The following CNTN5 variants were observed in gnomAD, a reference collection of about 807,000 sequenced individuals.
The protein encoded by CNTN5 is contactin 5, also known as contactin-5.
Under a neutral mutation model 129.1 loss-of-function variants are expected in CNTN5, and 77 were observed. The observed-to-expected ratio is 0.60, with a 90% CI of 0.50 to 0.72. CNTN5 has a LOEUF of 0.72. CNTN5 is among the 30% of genes least tolerant of loss of function. CNTN5 has a pLI of 0.00. For missense variants in CNTN5, 1,478 were observed against 1,328.8 expected, an observed-to-expected ratio of 1.11 and a Z score of -1.75; for synonymous variants, 509 against 465.6, an observed-to-expected ratio of 1.09 and a Z score of -1.20.
intron 2 of CNTN5, among the ~76,000 whole-genome samples, chr11:99,433,207 A>G (rs1943460492): frequency 6.6e-6 from 1 of 152,070 alleles, no homozygotes; most frequent in Admixed American, 6.6e-5. Context: ...ACAGCAGAGA[A>G]AGCAAGGTCC....
At chr11:99,836,411 C>A (rs561282567) in intron 4 of CNTN5, among the ~76,000 whole-genome samples, 6 of 151,170 alleles carry the variant, frequency 4.0e-5, no homozygotes, top group South Asian at 2.1e-4. Flanking sequence ...TTTGTCCTTG[C>A]GATAGTTTGC....
intron 1 of CNTN5, among the ~76,000 whole-genome samples, chr11:99,121,999 T>G (rs1261769930): frequency 6.6e-6 from 1 of 151,952 alleles, no homozygotes; most frequent in Non-Finnish European, 1.5e-5. Context: ...ATATTTTTAT[T>G]ATACTTTAAG....
At chr11:99,384,201 A>G (rs1940780595) in intron 2 of CNTN5, among the ~76,000 whole-genome samples, 1 of 152,168 alleles carries the variant, frequency 6.6e-6, no homozygotes, top group Non-Finnish European at 1.5e-5. Flanking sequence ...CCATTTCAAG[A>G]GAGACACTGT....
chr11:99,950,419 T>C (rs1950646224), intron 7 of CNTN5, among the ~76,000 whole-genome samples: 2 of 152,194 alleles, frequency 1.3e-5, no homozygotes, highest in Non-Finnish European at 2.9e-5. Flanking sequence ...AGGCGGAGCT[T>C]GCAATGAGCC....
chr11:99,979,558 T>C (rs1051185299), intron 8 of CNTN5, among the ~76,000 whole-genome samples: 1 of 152,148 alleles, frequency 6.6e-6, no homozygotes, highest in Admixed American at 6.5e-5. Flanking sequence ...GATACATGTA[T>C]ATGGAGGGGA....
chr11:100,296,888 C>T (rs1243495181), intron 18 of CNTN5, among the ~76,000 whole-genome samples: 1 of 151,510 alleles, frequency 6.6e-6, no homozygotes, highest in Non-Finnish European at 1.5e-5. Context: ...ATTGTTAATG[C>T]AGGCTCATAG....
rs61042118 is a variant in CNTN5, at chr11:100,072,990, CAA to C, written c.1430-1134_1430-1133del. 4.4e-3 allele frequency among the ~76,000 whole-genome samples: 351 copies of C among 79,062 alleles called. 10 individuals carry two copies. The highest frequency in any genetic ancestry group is 0.019 in the African/African-American group (311 of 16,516). The allele number at this position is 79,062 out of a possible 152,430, so 51.9% of individuals were successfully genotyped here. ...TTTTGTAAATTCTATTCCCAGGAGG[CAA>C]AAAAAAAAAAAAAAAAAAAGTTACT... is the stretch of plus-strand genomic sequence containing the variant. On this transcript the variant is annotated intron_variant, in intron 12 of 24. Coordinates refer to ENST00000524871, the MANE Select transcript of CNTN5 (RefSeq NM_014361.4).
intron 1 of CNTN5, among the ~76,000 whole-genome samples, chr11:99,028,876 C>T (rs1340956982): frequency 4.0e-5 from 6 of 151,460 alleles, no homozygotes; most frequent in South Asian, 2.1e-4. Flanking sequence ...CTTATATGGC[C>T]GTTTCCAAAT....
intron 3 of CNTN5, among the ~76,000 whole-genome samples, chr11:99,654,741 CAAATT>C (rs944196805): frequency 2.0e-5 from 3 of 151,974 alleles, no homozygotes; most frequent in Non-Finnish European, 4.4e-5. Flanking sequence ...TAGACTAAAA[CAAATT>C]AAATCAATTA....
intron 8 of CNTN5, among the ~76,000 whole-genome samples, chr11:99,969,654 C>T (rs1215362074): frequency 2.0e-5 from 3 of 152,148 alleles, no homozygotes; most frequent in Admixed American, 2.0e-4. Context: ...GCTCTGTAGT[C>T]CATGTACAAA....
At chr11:100,059,499 C>G (rs1030873316) in intron 9 of CNTN5, among the ~76,000 whole-genome samples, 5 of 151,560 alleles carry the variant, frequency 3.3e-5, no homozygotes. Context: ...GAAATTAACA[C>G]AAATAAGCGA....
chr11:99,681,991 AAC>A (rs886264658), intron 3 of CNTN5, among the ~76,000 whole-genome samples: 37 of 152,178 alleles, frequency 2.4e-4, no homozygotes, highest in African/African-American at 8.9e-4. Flanking sequence ...AATTTCAGGA[AAC>A]ACAAAAAAGG....
At chr11:99,565,768 C>T (rs548244976) in intron 3 of CNTN5, among the ~76,000 whole-genome samples, 2 of 152,122 alleles carry the variant, frequency 1.3e-5, no homozygotes, top group African/African-American at 4.8e-5. Flanking sequence ...CCCATGATTT[C>T]CCCCCATGCA....
At chr11:99,214,891 T>G (rs1860041492) in intron 1 of CNTN5, among the ~76,000 whole-genome samples, 1 of 152,128 alleles carries the variant, frequency 6.6e-6, no homozygotes, top group Non-Finnish European at 1.5e-5. Context: ...TCATCTTTAT[T>G]ATGCTTGAGT....
chr11:99,809,496 G>A lies in CNTN5; in HGVS notation c.56-10048G>A, dbSNP rs532909406. On this transcript the variant is annotated intron_variant, in intron 3 of 24. Transcript: ENST00000524871. ...TTAAATCCTATATTGCATTATTTGT[G>A]TCTATGTCCAAAAATGTCATAATTA... Among the ~76,000 whole-genome samples the A allele has an allele frequency of 3.3e-5, 5 of 152,010 alleles. No individual in the cohort carries two copies. In the East Asian group the frequency reaches 9.7e-4, roughly 29 times the overall value.
intron 8 of CNTN5, among the ~76,000 whole-genome samples, chr11:99,971,882 C>G (rs1245576578): frequency 3.3e-5 from 5 of 150,738 alleles, no homozygotes; most frequent in Admixed American, 3.3e-4. Flanking sequence ...TAAATTATAT[C>G]TAGCAGGCCA....
intron 2 of CNTN5, among the ~76,000 whole-genome samples, chr11:99,443,548 A>G (rs1366559073): frequency 3.9e-5 from 6 of 152,232 alleles, no homozygotes; most frequent in Non-Finnish European, 1.5e-5. Flanking sequence ...GTCACTTCTC[A>G]TTTGTAAAAG....
chr11:99,828,367 G>A (rs954528807), intron 4 of CNTN5, among the ~76,000 whole-genome samples: 1 of 152,134 alleles, frequency 6.6e-6, no homozygotes, highest in Admixed American at 6.5e-5. Context: ...AATTCTGGAG[G>A]CAGAGAAGTC....
At chr11:99,321,615 G>A (rs1207444118) in intron 1 of CNTN5, among the ~76,000 whole-genome samples, 1 of 152,062 alleles carries the variant, frequency 6.6e-6, no homozygotes, top group African/African-American at 2.4e-5. Context: ...TTCTTGGAGA[G>A]TGCTGCTAGC....
Sources: gnomAD v4.1 joint callset for allele counts (sites outside exome capture counted in the v4.1 genomes callset) on GRCh38, gnomAD v4.1.1 for gene constraint, MANE v1.5 for transcripts, NCBI Gene and HGNC (gene_info 2026-07-23, HGNC 2026-07-21) for gene names.